The following CNTN5 variants were observed in gnomAD, a reference collection of about 807,000 sequenced individuals.
The protein encoded by CNTN5 is contactin-5.
A neutral mutation model predicts 129.1 loss-of-function variants in CNTN5; 77 were observed. That is an observed-to-expected ratio of 0.60 (90% CI 0.50 to 0.72). CNTN5 has a LOEUF of 0.72. Ranked by LOEUF, CNTN5 falls within the 30% of genes least tolerant of loss-of-function variation. The pLI is 0.00. For missense variants in CNTN5, 1,478 were observed against 1,328.8 expected (o/e 1.11, Z -1.75); for synonymous variants, 509 against 465.6 (o/e 1.09, Z -1.20).
chr11:99,817,172 C>T (rs1391338418), intron 3 of CNTN5, among the ~76,000 whole-genome samples: 1 of 152,108 alleles, frequency 6.6e-6, no homozygotes, highest in Non-Finnish European at 1.5e-5. Context: ...CTTTTGTTTC[C>T]CTAGCATTTG....
intron 4 of CNTN5, among the ~76,000 whole-genome samples, chr11:99,842,032 A>G (rs1288737222): frequency 6.6e-6 from 1 of 151,786 alleles, no homozygotes; most frequent in East Asian, 1.9e-4. Flanking sequence ...AATTACAGGC[A>G]TGCACCCCAC....
chr11:99,665,602 T>C (rs1438293428), intron 3 of CNTN5, among the ~76,000 whole-genome samples: 1 of 149,014 alleles, frequency 6.7e-6, no homozygotes, highest in Admixed American at 6.8e-5. Context: ...TCTCCCTGTC[T>C]CAGCCTCCCA....
At chr11:99,523,444 A>C (rs1473979658) in intron 2 of CNTN5, among the ~76,000 whole-genome samples, 12 of 151,900 alleles carry the variant, frequency 7.9e-5, no homozygotes, top group Non-Finnish European at 1.5e-4. Flanking sequence ...AAAACACAAA[A>C]ATTAGCCAGG....
chr11:99,936,951 C>A (rs1455378502), intron 7 of CNTN5, among the ~76,000 whole-genome samples: 1 of 151,984 alleles, frequency 6.6e-6, no homozygotes, highest in Admixed American at 6.6e-5. Flanking sequence ...ACCATGATAT[C>A]GATGGAGTTC....
intron 1 of CNTN5, among the ~76,000 whole-genome samples, chr11:99,258,218 G>A (rs573362357): frequency 8.6e-5 from 13 of 151,946 alleles, no homozygotes; most frequent in African/African-American, 2.9e-4. Flanking sequence ...CTCATATCAC[G>A]GGGGTTTGTT....
intron 18 of CNTN5, among the ~76,000 whole-genome samples, chr11:100,287,787 G>A (rs1011802525): frequency 6.6e-6 from 1 of 152,108 alleles, no homozygotes; most frequent in Non-Finnish European, 1.5e-5. Context: ...TGGACTAAAT[G>A]CTCCAATTTA....
chr11:99,617,745 GAATA>G (rs1950805831), intron 3 of CNTN5, among the ~76,000 whole-genome samples: 1 of 152,068 alleles, frequency 6.6e-6, no homozygotes, highest in African/African-American at 2.4e-5. Flanking sequence ...AAGGAAGTAT[GAATA>G]AATAAATGTA....
chr11:99,253,461 T>C (rs936859233), intron 1 of CNTN5, among the ~76,000 whole-genome samples: 3 of 152,126 alleles, frequency 2.0e-5, no homozygotes, highest in Non-Finnish European at 4.4e-5. Context: ...TAAATTTGTA[T>C]ACCTTGTTCT....
chr11:99,781,848 T>C (rs905688654), intron 3 of CNTN5, among the ~76,000 whole-genome samples: 6 of 152,130 alleles, frequency 3.9e-5, no homozygotes, highest in Non-Finnish European at 8.8e-5. Flanking sequence ...GAGCTATCTA[T>C]GACAAACGCA....
At chr11:99,700,402 T>C (rs1349235264) in intron 3 of CNTN5, among the ~76,000 whole-genome samples, 1 of 151,428 alleles carries the variant, frequency 6.6e-6, no homozygotes, top group African/African-American at 2.4e-5. Context: ...TATATCAGCA[T>C]TTTCTTTACT....
intron 8 of CNTN5, among the ~76,000 whole-genome samples, chr11:99,998,075 T>C (rs1052793281): frequency 6.6e-6 from 1 of 151,984 alleles, no homozygotes; most frequent in South Asian, 2.1e-4. Context: ...ACTGGAAGCA[T>C]TCCCATTGAA....
At chr11:99,730,175 CAG>C (rs1466252012) in intron 3 of CNTN5, among the ~76,000 whole-genome samples, 2 of 152,262 alleles carry the variant, frequency 1.3e-5, no homozygotes, top group Admixed American at 1.3e-4. Context: ...ATTAATTAAA[CAG>C]AATTAAATAT....
intron 3 of CNTN5, among the ~76,000 whole-genome samples, chr11:99,590,141 A>T (rs1949932005): frequency 6.6e-6 from 1 of 152,174 alleles, no homozygotes; most frequent in Non-Finnish European, 1.5e-5. Flanking sequence ...AATTCAGTGA[A>T]TGCAGTGGGA....
intron 2 of CNTN5, among the ~76,000 whole-genome samples, chr11:99,351,751 ACTGAGGCTGTCAT>A (rs1358720956): frequency 6.6e-6 from 1 of 152,182 alleles, no homozygotes; most frequent in Non-Finnish European, 1.5e-5. Context: ...GTTCAATGTT[ACTGAGGCTGTCAT>A]CTGAGTAGGA....
intron 9 of CNTN5, among the ~76,000 whole-genome samples, chr11:100,051,342 A>C (rs1942943776): frequency 6.6e-6 from 1 of 152,060 alleles, no homozygotes; most frequent in African/African-American, 2.4e-5. Flanking sequence ...TAACAAAAGA[A>C]TACTTTAAAA....
chr11:99,809,516 T>C (rs890513595), intron 3 of CNTN5, among the ~76,000 whole-genome samples: 5 of 152,160 alleles, frequency 3.3e-5, no homozygotes, highest in Non-Finnish European at 7.4e-5. Context: ...AAAAATGTCA[T>C]AATTATTTTT....
chr11:99,823,862 T>C (rs1037817528), intron 4 of CNTN5, among the ~76,000 whole-genome samples: 6 of 152,078 alleles, frequency 3.9e-5, no homozygotes, highest in African/African-American at 1.4e-4. Context: ...TATTTCTATA[T>C]GTGTGAAGCC....
chr11:99,500,217 G>A (rs115594952), intron 2 of CNTN5, among the ~76,000 whole-genome samples: 2,886 of 152,248 alleles, frequency 0.019, 102 homozygotes, highest in African/African-American at 0.066. Context: ...AATTATTGCT[G>A]ATCTTGATCT....
intron 3 of CNTN5, among the ~76,000 whole-genome samples, chr11:99,767,786 A>G (rs949424215): frequency 2.6e-5 from 4 of 152,202 alleles, no homozygotes; most frequent in African/African-American, 7.2e-5. Flanking sequence ...TAAAGACTAC[A>G]TGAATTCTTA....
Sources: allele counts gnomAD v4.1 joint callset (sites outside exome capture counted in the v4.1 genomes callset), GRCh38; gene constraint gnomAD v4.1.1; transcripts MANE v1.5; gene names NCBI Gene and HGNC (gene_info 2026-07-23, HGNC 2026-07-21).